NRXN3: variants seen among roughly 807,000 people sequenced by gnomAD.
NRXN3 encodes neurexin III.
Under a neutral mutation model 137.6 loss-of-function variants are expected in NRXN3, and 32 were observed. That is an observed-to-expected ratio of 0.23 (90% CI 0.18 to 0.31). The LOEUF is 0.31. Among genes scored for constraint, NRXN3 ranks in the 10% least tolerant of loss-of-function variants. The pLI is 1.00. For missense variants in NRXN3, 1,574 were observed against 2,062.5 expected (o/e 0.76, Z 4.59); for synonymous variants, 798 against 784.5 (o/e 1.02, Z -0.29).
intron 20 of NRXN3, among the ~76,000 whole-genome samples, chr14:79,806,337 C>G (rs549344140): frequency 6.6e-6 from 1 of 152,238 alleles, no homozygotes; most frequent in South Asian, 2.1e-4. Context: ...GATTTCAAAT[C>G]TGTTGAAGCC....
At chr14:78,830,952 T>C (rs922648869) in intron 10 of NRXN3, among the ~76,000 whole-genome samples, 22 of 152,218 alleles carry the variant, frequency 1.4e-4, no homozygotes, top group African/African-American at 5.1e-4. Context: ...ATTTAAAATA[T>C]TTCACATATT....
intron 15 of NRXN3, among the ~76,000 whole-genome samples, chr14:79,258,612 A>T (rs1198311340): frequency 6.6e-6 from 1 of 152,076 alleles, no homozygotes; most frequent in Non-Finnish European, 1.5e-5. Context: ...AACCAGAGGG[A>T]CTCCAAAGGA....
intron 20 of NRXN3, among the ~76,000 whole-genome samples, chr14:79,807,371 C>A (rs1176221565): frequency 6.6e-6 from 1 of 152,064 alleles, no homozygotes; most frequent in Non-Finnish European, 1.5e-5. Flanking sequence ...AACTACTCAC[C>A]CTGCCTCAGA....
intron 4 of NRXN3, among the ~76,000 whole-genome samples, chr14:78,304,443 C>T (rs535239896): frequency 5.0e-4 from 76 of 152,312 alleles, no homozygotes; most frequent in African/African-American, 1.8e-3. Context: ...ACAAAAACCA[C>T]TCTGTTGAGG....
chr14:79,410,173 A>G (rs1007333816), intron 15 of NRXN3, among the ~76,000 whole-genome samples: 1 of 151,868 alleles, frequency 6.6e-6, no homozygotes, highest in Non-Finnish European at 1.5e-5. Flanking sequence ...TTACCGTAAA[A>G]TATAATGCTT....
chr14:78,737,125 T>A (rs556775840), intron 8 of NRXN3, among the ~76,000 whole-genome samples: 1 of 152,298 alleles, frequency 6.6e-6, no homozygotes, highest in South Asian at 2.1e-4. Context: ...TAAAGAGGAA[T>A]GTTTCTTTTA....
chr14:79,585,704 A>AAAAC (rs2097760624), intron 16 of NRXN3, among the ~76,000 whole-genome samples: 1 of 151,270 alleles, frequency 6.6e-6, no homozygotes, highest in Non-Finnish European at 1.5e-5. Context: ...CAAAAAAAAA[A>AAAAC]AAAACCAACT....
intron 1 of NRXN3, among the ~76,000 whole-genome samples, chr14:78,212,531 G>T (rs144935727): frequency 2.0e-5 from 3 of 152,154 alleles, no homozygotes; most frequent in African/African-American, 7.2e-5. Context: ...TGTGGGTTCT[G>T]GTTGTGGATT....
intron 8 of NRXN3, among the ~76,000 whole-genome samples, chr14:78,715,431 A>AG (rs2098426760): frequency 6.6e-6 from 1 of 152,176 alleles, no homozygotes; most frequent in Admixed American, 6.5e-5. Context: ...TTGGGACTCC[A>AG]GGGGGCCTAG....
intron 5 of NRXN3, chr14:78,649,219 C>T (rs1315787711): frequency 2.3e-6 from 3 of 1,292,324 alleles, no homozygotes; most frequent in East Asian, 4.9e-5. Context: ...AATTAACAAT[C>T]GTTCTGTTCA....
At chr14:78,946,581 CAGTCTGA>C (rs2099365716) in intron 10 of NRXN3, among the ~76,000 whole-genome samples, 1 of 152,172 alleles carries the variant, frequency 6.6e-6, no homozygotes, top group Admixed American at 6.6e-5. Flanking sequence ...CTTCTTTATA[CAGTCTGA>C]AAGTGGGGTG....
At chr14:78,436,192 G>A (rs1032964702) in intron 4 of NRXN3, among the ~76,000 whole-genome samples, 2 of 152,152 alleles carry the variant, frequency 1.3e-5, no homozygotes, top group African/African-American at 4.8e-5. Context: ...GAACATCTCA[G>A]GTATAGGAGA....
rs545381663 is a variant in NRXN3, at chr14:79,789,667, T to C, written c.4015-15445T>C. On this transcript the variant is annotated intron_variant, in intron 19 of 20. Transcript: ENST00000335750. ...AGGCCATGGCATTTGTGAACTGTTATGTCGCTAATGAGAGTGTAGCAGTGA... is the reference window on the plus strand; with the variant it reads ...AGGCCATGGCATTTGTGAACTGTTACGTCGCTAATGAGAGTGTAGCAGTGA... 8.5e-5 allele frequency among the ~76,000 whole-genome samples: 13 copies of C among 152,336 alleles called. No individual in the cohort carries two copies. The South Asian group carries it at 2.7e-3, about 32-fold the overall frequency.
chr14:79,450,284 TG>T (rs1567161436), intron 15 of NRXN3, among the ~76,000 whole-genome samples: 2 of 152,050 alleles, frequency 1.3e-5, no homozygotes, highest in Non-Finnish European at 2.9e-5. Context: ...GGCCTCAGGT[TG>T]GGGGTTGGAA....
Position 79,705,429 on chromosome 14 carries a change from G to C in NRXN3, c.4014+7492G>C, listed in dbSNP as rs534169094. On this transcript the variant is annotated intron_variant, in intron 19 of 20. Coordinates refer to ENST00000335750, the MANE Select transcript of NRXN3 (RefSeq NM_001330195.2). Reference sequence around the variant, plus strand: ...AAGAAGGGTGAAACCGGTGAGGCAGGATTATGCAATTGCAAGCTTAGATTT... The same window carrying C: ...AAGAAGGGTGAAACCGGTGAGGCAGCATTATGCAATTGCAAGCTTAGATTT... Among the ~76,000 whole-genome samples, 3 of 152,222 alleles carry C rather than the reference G, an allele frequency of 2.0e-5. No homozygotes were observed. The East Asian group carries it at 5.8e-4, about 29-fold the overall frequency.
intron 4 of NRXN3, among the ~76,000 whole-genome samples, chr14:78,335,532 A>G (rs1422655027): frequency 6.6e-6 from 1 of 152,226 alleles, no homozygotes; most frequent in Non-Finnish European, 1.5e-5. Flanking sequence ...ATTGATATTA[A>G]TGTATAATAT....
chr14:79,107,963 G>T (rs1254899357), intron 15 of NRXN3, among the ~76,000 whole-genome samples: 1 of 152,100 alleles, frequency 6.6e-6, no homozygotes, highest in East Asian at 1.9e-4. Flanking sequence ...ATTAAATATG[G>T]TTAGTATCTA....
intron 15 of NRXN3, among the ~76,000 whole-genome samples, chr14:79,378,379 A>G (rs1345131633): frequency 1.3e-5 from 2 of 152,308 alleles, no homozygotes; most frequent in Non-Finnish European, 2.9e-5. Flanking sequence ...AGGGATGACC[A>G]CCGTGGGATC....
At chr14:78,475,357 C>A (rs2095360946) in intron 4 of NRXN3, among the ~76,000 whole-genome samples, 1 of 152,176 alleles carries the variant, frequency 6.6e-6, no homozygotes, top group East Asian at 1.9e-4. Context: ...CACATAGGGG[C>A]AAGTTCATCT....
Sources: allele counts gnomAD v4.1 joint callset (sites outside exome capture counted in the v4.1 genomes callset), GRCh38; gene constraint gnomAD v4.1.1; transcripts MANE v1.5; gene names NCBI Gene and HGNC (gene_info 2026-07-23, HGNC 2026-07-21).